The following RFX7 variants were observed in gnomAD, a reference collection of about 807,000 sequenced individuals.
RFX7 encodes the protein regulatory factor X7.
Under a neutral mutation model 111.8 loss-of-function variants are expected in RFX7, and 26 were observed. The ratio of observed to expected loss-of-function variants is 0.23; its 90% CI spans 0.17 to 0.32. RFX7 has a LOEUF of 0.32. RFX7 is among the 10% of genes least tolerant of loss of function. RFX7 has a pLI of 1.00. For missense variants in RFX7, 1,573 were observed against 1,772.9 expected (o/e 0.89, Z 2.02); for synonymous variants, 624 against 624.4 (o/e 1.00, Z 0.01).
chr15:56,150,053 C>T (rs1426908381), intron 3 of RFX7, among the ~76,000 whole-genome samples: 5 of 151,668 alleles, frequency 3.3e-5, no homozygotes, highest in African/African-American at 4.8e-5. Flanking sequence ...GCGGGGGGGT[C>T]GGCCATTGCT....
chr15:56,111,545 G>A (rs547911576), intron 5 of RFX7, among the ~76,000 whole-genome samples: 133 of 150,332 alleles, frequency 8.8e-4, no homozygotes, highest in African/African-American at 3.2e-3. Context: ...AGGAAAACCA[G>A]AGACCTTTGT....
Position 56,087,477 on chromosome 15 carries a change from CA to C in RFX7, c.*5867del. ...GCTTGAGTTCTAGCCATCACATTTGCATTCCAGCCAGCAGAGAGGAAGGACA... is the reference window on the plus strand; with the variant it reads ...GCTTGAGTTCTAGCCATCACATTTGCTTCCAGCCAGCAGAGAGGAAGGACA... On this transcript the variant is annotated 3_prime_UTR_variant, in exon 10 of 10. Transcript: ENST00000559447. 2.2e-6 allele frequency: 1 copy of C among 456,694 alleles called. No homozygotes were observed. Among genetic ancestry groups the C allele is most frequent in the Non-Finnish European group, 4.4e-6 (1 of 226,972 alleles). The allele number at this position is 456,694 out of a possible 1,614,324, so 28.3% of individuals were successfully genotyped here. A position where few individuals can be genotyped will look rare whatever the true frequency, so the allele number is the denominator to read the frequency against.
intron 2 of RFX7, among the ~76,000 whole-genome samples, chr15:56,190,902 A>T (rs948522141): frequency 6.6e-6 from 1 of 152,266 alleles, no homozygotes; most frequent in Non-Finnish European, 1.5e-5. Flanking sequence ...TTAAGGGAAG[A>T]CACGGCATTC....
intron 5 of RFX7, among the ~76,000 whole-genome samples, chr15:56,129,823 C>G (rs2042189910): frequency 1.3e-5 from 2 of 152,126 alleles, no homozygotes; most frequent in African/African-American, 4.8e-5. Flanking sequence ...TGAAACGTTT[C>G]TGGTTTTGGT....
chr15:56,124,160 C>T (rs1440031118), intron 5 of RFX7, among the ~76,000 whole-genome samples: 6 of 152,124 alleles, frequency 3.9e-5, no homozygotes, highest in Non-Finnish European at 8.8e-5. Flanking sequence ...CAGTGGCTCA[C>T]GCCTGTAAGC....
chr15:56,200,873 C>A (rs2043187019), intron 2 of RFX7, among the ~76,000 whole-genome samples: 1 of 150,582 alleles, frequency 6.6e-6, no homozygotes, highest in Non-Finnish European at 1.5e-5. Context: ...AATGTGACTT[C>A]AATTTTTTGA....
At chr15:56,154,313 C>T (rs549968844) in intron 3 of RFX7, among the ~76,000 whole-genome samples, 2 of 152,178 alleles carry the variant, frequency 1.3e-5, no homozygotes, top group East Asian at 1.9e-4. Flanking sequence ...AAAAAGAGCC[C>T]GCATAGCCAA....
intron 5 of RFX7, among the ~76,000 whole-genome samples, chr15:56,128,689 AC>A (rs1355864068): frequency 1.3e-5 from 2 of 152,104 alleles, no homozygotes; most frequent in Non-Finnish European, 2.9e-5. Flanking sequence ...TCTATTCAAC[AC>A]TGTACTGAAA....
At chr15:56,142,923 T>C (rs2042421127) in intron 4 of RFX7, 23 bp from the exon 5 acceptor site, 1 of 1,611,990 alleles carries the variant, frequency 6.2e-7, no homozygotes, top group African/African-American at 1.3e-5. Context: ...AAACATGTTT[T>C]AGCTGACCAG....
At chr15:56,148,826 A>C (rs1390175274) in intron 3 of RFX7, among the ~76,000 whole-genome samples, 1 of 152,180 alleles carries the variant, frequency 6.6e-6, no homozygotes, top group Non-Finnish European at 1.5e-5. Flanking sequence ...TCAAGCCTGT[A>C]ATCCCAGAAC....
intron 2 of RFX7, among the ~76,000 whole-genome samples, chr15:56,227,504 C>G (rs2043497916): frequency 6.6e-6 from 1 of 152,096 alleles, no homozygotes. Context: ...TCTTAGCAAC[C>G]AATTACACTT....
At chr15:56,160,351 G>GTTT (rs77452375) in intron 3 of RFX7, among the ~76,000 whole-genome samples, 1 of 136,044 alleles carries the variant, frequency 7.4e-6, no homozygotes, top group East Asian at 2.2e-4. Flanking sequence ...TCAGTAAAAA[G>GTTT]TTTTTTTTTT....
intron 2 of RFX7, among the ~76,000 whole-genome samples, chr15:56,201,949 T>C (rs1567044861): frequency 1.3e-5 from 2 of 152,088 alleles, no homozygotes; most frequent in Non-Finnish European, 2.9e-5. Context: ...GAGAGTGGCA[T>C]GAACCTGGGA....
At chr15:56,134,665 T>C (rs1450722693) in intron 5 of RFX7, among the ~76,000 whole-genome samples, 8 of 151,018 alleles carry the variant, frequency 5.3e-5, no homozygotes, top group Admixed American at 6.6e-5. Context: ...CATGTGCACA[T>C]TGTGCAGGTT....
chr15:56,128,321 CAAAAATCCTTAACAA>C (rs2042171140), intron 5 of RFX7, among the ~76,000 whole-genome samples: 1 of 152,022 alleles, frequency 6.6e-6, no homozygotes, highest in Non-Finnish European at 1.5e-5. Context: ...CCCTCAGATG[CAAAAATCCTTAACAA>C]AAGACTGACA....
intron 2 of RFX7, among the ~76,000 whole-genome samples, chr15:56,213,603 C>G (rs990748688): frequency 1.3e-5 from 2 of 152,126 alleles, no homozygotes; most frequent in African/African-American, 4.8e-5. Context: ...AACGTTTTGT[C>G]TTGACCGTAT....
intron 5 of RFX7, among the ~76,000 whole-genome samples, chr15:56,132,382 T>C (rs1320107258): frequency 6.6e-6 from 1 of 151,762 alleles, no homozygotes; most frequent in Non-Finnish European, 1.5e-5. Flanking sequence ...ACAGAGAACA[T>C]AAAGAAAGAA....
intron 5 of RFX7, among the ~76,000 whole-genome samples, chr15:56,134,767 G>T (rs1476658840): frequency 6.6e-6 from 1 of 151,018 alleles, no homozygotes; most frequent in Admixed American, 6.6e-5. Flanking sequence ...TATCCCTACC[G>T]CCCTCCCCAA....
chr15:56,233,453 G>C (rs2043590277), intron 2 of RFX7, among the ~76,000 whole-genome samples: 1 of 152,094 alleles, frequency 6.6e-6, no homozygotes, highest in South Asian at 2.1e-4. Context: ...ATGAGATCTG[G>C]GTGGGGACAC....
Sources: gnomAD v4.1 joint callset for allele counts (sites outside exome capture counted in the v4.1 genomes callset) on GRCh38, gnomAD v4.1.1 for gene constraint, MANE v1.5 for transcripts, NCBI Gene and HGNC (gene_info 2026-07-23, HGNC 2026-07-21) for gene names.